The following ANO4 variants were observed in gnomAD, a reference collection of about 807,000 sequenced individuals.
ANO4 encodes anoctamin 4, also known as anoctamin-4.
A neutral mutation model predicts 141.9 loss-of-function variants in ANO4; 69 were observed. The observed-to-expected ratio is 0.49, with a 90% confidence interval of 0.40 to 0.59. The LOEUF (loss-of-function observed/expected upper bound fraction) is 0.59, where lower values mean the gene tolerates loss of function less well. ANO4 is among the 20% of genes least tolerant of loss of function. ANO4 has a pLI of 0.00. For synonymous variants in ANO4, 350 were observed against 394.3 expected (o/e 0.89, Z 1.33); for missense variants, 894 against 1,162.2 (o/e 0.77, Z 3.36).
intron 3 of ANO4, among the ~76,000 whole-genome samples, chr12:100,772,868 T>C (rs2033357709): frequency 6.6e-6 from 1 of 152,190 alleles, no homozygotes; most frequent in Admixed American, 6.5e-5. Flanking sequence ...TCTCAAACAC[T>C]TGTATATGCA....
At chr12:101,003,013 C>T (rs1472619455) in intron 8 of ANO4, among the ~76,000 whole-genome samples, 1 of 152,228 alleles carries the variant, frequency 6.6e-6, no homozygotes, top group African/African-American at 2.4e-5. Flanking sequence ...CCACAAACCT[C>T]AGCCCTCTCT....
chr12:101,011,222 C>G (rs1390800523), intron 8 of ANO4, among the ~76,000 whole-genome samples: 1 of 151,706 alleles, frequency 6.6e-6, no homozygotes, highest in Non-Finnish European at 1.5e-5. Flanking sequence ...AAGCCATTCA[C>G]AAATCCAGCT....
At chr12:100,790,012 G>A (rs1361398749), upstream of ANO4, among the ~76,000 whole-genome samples, 2 of 152,212 alleles carry the variant, frequency 1.3e-5, no homozygotes, top group Admixed American at 1.3e-4. Flanking sequence ...ATTTGAGGAT[G>A]GCCTCACCGT....
Position 101,066,977 on chromosome 12 carries a change from C to A in ANO4, c.1313-12216C>A, listed in dbSNP as rs1411195489. 12 of 601,138 alleles carry A rather than the reference C, an allele frequency of 2.0e-5. No individual in the cohort carries two copies. The Admixed American group carries it at 2.1e-4, about 10-fold the overall frequency. The allele number at this position is 601,138 out of a possible 1,614,324, so 37.2% of individuals were successfully genotyped here. ...GTGACTACATGACACTCTTCATGTA[C>A]CCTAGAACTTAAAGTATAACAAAAA... On this transcript the variant is annotated intron_variant, in intron 14 of 27. Transcript: ENST00000392977.
intron 5 of ANO4, among the ~76,000 whole-genome samples, chr12:100,965,360 C>T (rs910080328): frequency 6.6e-6 from 1 of 152,068 alleles, no homozygotes; most frequent in Non-Finnish European, 1.5e-5. Flanking sequence ...TGGTTCTAAC[C>T]ACCATCTTGT....
At chr12:100,818,690 A>G (rs1455683842) in intron 1 of ANO4, among the ~76,000 whole-genome samples, 1 of 151,886 alleles carries the variant, frequency 6.6e-6, no homozygotes, top group African/African-American at 2.4e-5. Context: ...AAATTGCTAA[A>G]CCTTTCTGGA....
Position 101,117,429 on chromosome 12 carries a change from C to T in ANO4, c.2570+631C>T, listed in dbSNP as rs188955978. The stretch of plus-strand genomic sequence containing the variant: ...CTGTTACTCCATTTAATCGTCACAT[C>T]AGCCTTCTAAGTTAGGCAATATTAT... On this transcript the variant is annotated intron_variant, in intron 25 of 27. Coordinates refer to ENST00000392977, the MANE Select transcript of ANO4 (RefSeq NM_001286615.2). Among the ~76,000 whole-genome samples the T allele has an allele frequency of 4.6e-4, 70 of 152,348 alleles. 1 individual carries two copies. In the East Asian group the frequency reaches 0.011, roughly 24 times the overall value.
chr12:100,731,421 C>T (rs2031375882), intron 1 of ANO4, among the ~76,000 whole-genome samples: 1 of 152,056 alleles, frequency 6.6e-6, no homozygotes, highest in Non-Finnish European at 1.5e-5. Context: ...GTTCCCAAAC[C>T]CTCCTGTCCC....
At chr12:100,989,085 G>A (rs17030875) in intron 8 of ANO4, among the ~76,000 whole-genome samples, 11,636 of 152,088 alleles carry the variant, frequency 0.077, 531 homozygotes, top group South Asian at 0.15. Context: ...TCTAATGCAG[G>A]GGAAGCAACT....
chr12:100,897,439 T>C (rs2040401302), intron 1 of ANO4, among the ~76,000 whole-genome samples: 1 of 152,244 alleles, frequency 6.6e-6, no homozygotes. Flanking sequence ...CTTTTGGCAC[T>C]GTGCCATCTG....
In ANO4 at chr12:101,096,016, G is replaced by A. The variant is rs115095831; in HGVS notation, c.1739-520G>A. 5.9e-3 allele frequency among the ~76,000 whole-genome samples: 891 copies of A among 152,304 alleles called. 9 individuals are homozygous for A. The highest frequency in any genetic ancestry group is 0.02 in the African/African-American group (820 of 41,570). On this transcript the variant is annotated intron_variant, in intron 18 of 27. Coordinates refer to ENST00000392977, the MANE Select transcript of ANO4 (RefSeq NM_001286615.2). ...CTCCTTGATATTTGTCCATGAGAATGGAAAATGGGGGATAAGGGTAAAAGC... is the reference window on the plus strand; with the variant it reads ...CTCCTTGATATTTGTCCATGAGAATAGAAAATGGGGGATAAGGGTAAAAGC...
rs1449849779 is a variant in ANO4, at chr12:100,848,964, GC to G, written c.-140-52681del. Among the ~76,000 whole-genome samples the G allele has an allele frequency of 2.0e-5, 3 of 152,170 alleles. No individual in the cohort carries two copies. In the East Asian group the frequency reaches 5.8e-4, roughly 29 times the overall value. Reference sequence around the variant, plus strand: ...TAGTTATGAATGGAATAAGTTGCTTGCTCAGTTTTCTGTCTTTCCTACTGTA... The same window carrying G: ...TAGTTATGAATGGAATAAGTTGCTTGTCAGTTTTCTGTCTTTCCTACTGTA... On this transcript the variant is annotated intron_variant, in intron 1 of 27. Coordinates refer to ENST00000392977, the MANE Select transcript of ANO4 (RefSeq NM_001286615.2).
chr12:101,111,686 C>T lies in ANO4; in HGVS notation c.2426C>T (p.Ala809Val). Residue 809 changes from alanine to valine, a missense_variant, in exon 24 of 28, where the codon GCA becomes GTA. Coordinates refer to ENST00000392977, the MANE Select transcript of ANO4 (RefSeq NM_001286615.2). Reference protein sequence around the residue: ...LVYAYKYGPCAGQGEAGQKCM... With the variant: ...LVYAYKYGPCVGQGEAGQKCM... ...TATGCTTATAAGTATGGACCTTGTG[C>T]AGGCCAAGGAGAAGCTGGGCAAAAG... is the stretch of plus-strand genomic sequence containing the variant. 1 of 1,603,314 alleles carries T rather than the reference C, an allele frequency of 6.2e-7. No homozygotes were observed. Among genetic ancestry groups the T allele is most frequent in the Non-Finnish European group, 8.5e-7 (1 of 1,175,766 alleles).
intron 3 of ANO4, among the ~76,000 whole-genome samples, chr12:100,770,393 T>C (rs1240234354): frequency 1.3e-5 from 2 of 152,228 alleles, no homozygotes; most frequent in Non-Finnish European, 2.9e-5. Context: ...TTCTTCTTCC[T>C]CCCATTACAT....
At chr12:101,063,592 G>A (rs995249618) in intron 14 of ANO4, among the ~76,000 whole-genome samples, 2 of 151,940 alleles carry the variant, frequency 1.3e-5, no homozygotes, top group African/African-American at 2.4e-5. Flanking sequence ...GTTAGGAAAC[G>A]TACTTTCTTC....
chr12:100,872,136 C>T (rs2039066722), intron 1 of ANO4, among the ~76,000 whole-genome samples: 1 of 151,736 alleles, frequency 6.6e-6, no homozygotes, highest in Non-Finnish European at 1.5e-5. Context: ...ATTATTCATT[C>T]ATTCATTCAT....
rs2036553895 is a variant in ANO4 at position 100,829,970 on chromosome 12, T to A, written c.-141+34943T>A. Reference sequence around the variant, plus strand: ...TGGTGGAGTGGTGACAGAATTGCATTGAAATCGTGGCTCTTCTACTCAATA... The same window carrying A: ...TGGTGGAGTGGTGACAGAATTGCATAGAAATCGTGGCTCTTCTACTCAATA... On this transcript the variant is annotated intron_variant, in intron 1 of 27. Transcript: ENST00000392977. Among the ~76,000 whole-genome samples, 5 of 152,092 alleles carry A rather than the reference T, an allele frequency of 3.3e-5. 1 individual carries two copies.
At chr12:100,903,569 G>A (rs1021425843) in intron 2 of ANO4, among the ~76,000 whole-genome samples, 20 of 152,218 alleles carry the variant, frequency 1.3e-4, no homozygotes, top group South Asian at 6.2e-4. Context: ...CATCAATCAA[G>A]GTTCAATCAG....
At chr12:100,984,628 A>G (rs2136322230) in intron 7 of ANO4, among the ~76,000 whole-genome samples, 1 of 152,274 alleles carries the variant, frequency 6.6e-6, no homozygotes, top group African/African-American at 2.4e-5. Context: ...TCTATTTTAT[A>G]ACCTTGGAAA....
Sources: allele counts gnomAD v4.1 joint callset (sites outside exome capture counted in the v4.1 genomes callset), GRCh38; gene constraint gnomAD v4.1.1; transcripts MANE v1.5; gene names NCBI Gene and HGNC (gene_info 2026-07-23, HGNC 2026-07-21).